Variants in HDLBP observed in about 807,000 individuals in gnomAD.
HDLBP encodes high density lipoprotein binding protein.
HDLBP carries 30 observed loss-of-function variants against 137.3 expected under a neutral mutation model. That is an observed-to-expected ratio of 0.22 (90% CI 0.16 to 0.30). The LOEUF is 0.30. HDLBP is among the 10% of genes least tolerant of loss of function. The pLI is 1.00. For missense variants in HDLBP, 1,119 were observed against 1,667.3 expected (o/e 0.67, Z 5.73); for synonymous variants, 606 against 596.0 (o/e 1.02, Z -0.24).
chr2:241,267,508 C>A, intron 2 of HDLBP: 2 of 1,427,014 alleles, frequency 1.4e-6, no homozygotes, highest in East Asian at 2.5e-5. Flanking sequence ...AGGCTCCAGG[C>A]ATAGATCAAC....
chr2:241,291,627 T>C (rs866612420), intron 1 of HDLBP, among the ~76,000 whole-genome samples: 7 of 152,212 alleles, frequency 4.6e-5, no homozygotes, highest in African/African-American at 1.7e-4. Context: ...ATACAGGAAA[T>C]CTTCTTTAAA....
chr2:241,277,356 A>G (rs993667922), intron 1 of HDLBP, among the ~76,000 whole-genome samples: 6 of 152,198 alleles, frequency 3.9e-5, no homozygotes, highest in Non-Finnish European at 8.8e-5. Flanking sequence ...AATGAACTAA[A>G]AGACATATAC....
At position 241,229,830 on chromosome 2, in the gene HDLBP, G is replaced by A; in HGVS notation, c.3720+3C>T. 2 of 1,461,466 alleles carry A rather than the reference G, an allele frequency of 1.4e-6. No individual in the cohort carries two copies. Among genetic ancestry groups the A allele is most frequent in the Non-Finnish European group, 1.8e-6 (2 of 1,092,386 alleles). The allele number at this position is 1,461,466 out of a possible 1,614,324, so 90.5% of individuals were successfully genotyped here. ...CCCAGGAGGGCAGAAGCCCGCATCTGACCTTCTCACTGCTGCTGGCGGTCC... is the reference window on the plus strand; with the variant it reads ...CCCAGGAGGGCAGAAGCCCGCATCTAACCTTCTCACTGCTGCTGGCGGTCC... On this transcript the variant is annotated splice_donor_region_variant and intron_variant, in intron 27 of 27. Coordinates refer to ENST00000310931, the MANE Select transcript of HDLBP (RefSeq NM_005336.6).
Position 241,301,936 on chromosome 2 carries a change from A to G in HDLBP, c.-103+13634T>C, listed in dbSNP as rs549335165. On this transcript the variant is annotated intron_variant, in intron 1 of 27. Coordinates refer to ENST00000310931, the MANE Select transcript of HDLBP (RefSeq NM_005336.6). Reference sequence around the variant, plus strand: ...TCAAAACCTCAATTTCAAAAATGGTAAAAGAGGCCGAGGGCCAGGCACAGT... The same window carrying G: ...TCAAAACCTCAATTTCAAAAATGGTGAAAGAGGCCGAGGGCCAGGCACAGT... Among the ~76,000 whole-genome samples the G allele has an allele frequency of 1.1e-3, 173 of 152,192 alleles. 1 individual carries two copies. The highest frequency in any genetic ancestry group is 4.0e-3 in the African/African-American group (168 of 41,520).
At chr2:241,257,219 GATGTA>G (rs1305838764) in intron 5 of HDLBP, among the ~76,000 whole-genome samples, 1 of 152,206 alleles carries the variant, frequency 6.6e-6, no homozygotes, top group African/African-American at 2.4e-5. Flanking sequence ...CTACTTAGAA[GATGTA>G]ATGAAAGAGA....
chr2:241,239,473 C>T lies in HDLBP; in HGVS notation c.2610+129G>A. On this transcript the variant is annotated intron_variant, in intron 19 of 27. Coordinates refer to ENST00000310931, the MANE Select transcript of HDLBP (RefSeq NM_005336.6). This position sits in a 1 kb window ranked among gnomAD's most constrained non-coding sequence, Gnocchi z 4.6. ...GAAAGAAGAGCGAGCACCAGAAAGC[C>T]CCTTCTGAAGCCTTCCAGGGCTGTA... The T allele has an allele frequency of 9.9e-6, 7 of 707,462 alleles. No homozygotes were observed. The highest frequency in any genetic ancestry group is 1.7e-5 in the Non-Finnish European group (7 of 416,888). The allele number at this position is 707,462 out of a possible 1,614,324, so 43.8% of individuals were successfully genotyped here.
intron 1 of HDLBP, among the ~76,000 whole-genome samples, chr2:241,304,523 T>C (rs2075505037): frequency 6.6e-6 from 1 of 152,246 alleles, no homozygotes. Context: ...ACTGCAGAGA[T>C]AGGCCGTGAG....
At chr2:241,293,921 C>CAAAAAAAA (rs56186900) in intron 1 of HDLBP, among the ~76,000 whole-genome samples, 1 of 97,648 alleles carries the variant, frequency 1.0e-5, no homozygotes, top group Non-Finnish European at 2.0e-5. Context: ...GACCCTGCCT[C>CAAAAAAAA]AAAAAAAAAA....
intron 1 of HDLBP, among the ~76,000 whole-genome samples, chr2:241,289,107 A>C (rs2074927622): frequency 6.6e-6 from 1 of 152,260 alleles, no homozygotes; most frequent in Admixed American, 6.5e-5. Flanking sequence ...TCTTGGGCTC[A>C]GTCCTATCCA....
At chr2:241,298,064 AAAAAAAAAAAAAAAAAAAG>A (rs1240564719) in intron 1 of HDLBP, among the ~76,000 whole-genome samples, 17 of 142,294 alleles carry the variant, frequency 1.2e-4, no homozygotes, top group Admixed American at 9.9e-4. Context: ...AAAAAAAAAA[AAAAAAAAAAAAAAAAAAAG>A]GGCCAGGCAT....
chr2:241,264,221 G>C (rs1051249386), intron 4 of HDLBP, among the ~76,000 whole-genome samples: 3 of 151,640 alleles, frequency 2.0e-5, no homozygotes, highest in Non-Finnish European at 4.4e-5. Context: ...AATTAGCCGG[G>C]CGTGGTGGCG....
At chr2:241,270,468 C>T (rs969088768) in intron 1 of HDLBP, among the ~76,000 whole-genome samples, 15 of 152,330 alleles carry the variant, frequency 9.8e-5, no homozygotes, top group African/African-American at 3.1e-4. Flanking sequence ...TTTTGTTTTT[C>T]TTCTAAACAA....
intron 1 of HDLBP, chr2:241,271,272 T>C: frequency 2.8e-6 from 1 of 360,768 alleles, no homozygotes; most frequent in Non-Finnish European, 3.9e-6. Context: ...CAAACTATAC[T>C]GAACCTGGAC....
intron 1 of HDLBP, among the ~76,000 whole-genome samples, chr2:241,304,388 A>T (rs1000153331): frequency 6.6e-6 from 1 of 152,226 alleles, no homozygotes; most frequent in Non-Finnish European, 1.5e-5. Flanking sequence ...AGTGGCTATC[A>T]GCCTTAGAGC....
chr2:241,290,338 CA>C (rs2074971768), intron 1 of HDLBP, among the ~76,000 whole-genome samples: 1 of 152,144 alleles, frequency 6.6e-6, no homozygotes, highest in Non-Finnish European at 1.5e-5. Flanking sequence ...AGGCCGGGTA[CA>C]GTGGTTTACG....
chr2:241,273,566 T>C (rs1330837896), intron 1 of HDLBP: 1 of 978,786 alleles, frequency 1.0e-6, no homozygotes, highest in African/African-American at 1.8e-5. Context: ...AAGTGATAAC[T>C]GCCACTGTTT....
chr2:241,272,691 C>A lies in HDLBP; in HGVS notation c.-102-4150G>T, dbSNP rs1437880806. The A allele has an allele frequency of 5.3e-6, 4 of 755,982 alleles. No homozygotes were observed. The highest frequency in any genetic ancestry group is 2.0e-5 in the African/African-American group (1 of 50,722). The allele number at this position is 755,982 out of a possible 1,614,324, so 46.8% of individuals were successfully genotyped here. A position where few individuals can be genotyped will look rare whatever the true frequency, so the allele number is the denominator to read the frequency against. ...CACGTCAGCAGCCACCCCCCACCCC[C>A]CCGCCCGGCAGCCCGCCCGCCCCGT... On this transcript the variant is annotated intron_variant, in intron 1 of 27. Transcript: ENST00000310931. The surrounding 1 kb of genome is among the most constrained non-coding windows in gnomAD (Gnocchi z 5.6).
At chr2:241,257,197 C>T (rs2149489529) in intron 5 of HDLBP, among the ~76,000 whole-genome samples, 1 of 152,310 alleles carries the variant, frequency 6.6e-6, no homozygotes, top group East Asian at 1.9e-4. Flanking sequence ...CATTAACTTC[C>T]ACAAACAACA....
At chr2:241,275,256 A>T (rs894728004) in intron 1 of HDLBP, among the ~76,000 whole-genome samples, 7 of 152,194 alleles carry the variant, frequency 4.6e-5, no homozygotes, top group Admixed American at 4.6e-4. Flanking sequence ...CAAATGGTAG[A>T]GAGGCTAAAA....
Sources: allele counts gnomAD v4.1 joint callset (sites outside exome capture counted in the v4.1 genomes callset), GRCh38; gene constraint gnomAD v4.1.1; non-coding constraint Gnocchi (gnomAD v3.1); transcripts MANE v1.5; gene names NCBI Gene and HGNC (gene_info 2026-07-23, HGNC 2026-07-21).